The following PDE8B variants were observed in gnomAD, a reference collection of about 807,000 sequenced individuals.
The protein encoded by PDE8B is phosphodiesterase 8B.
In PDE8B, 26 loss-of-function variants were observed where a neutral mutation model predicts 101.3. The ratio of observed to expected loss-of-function variants is 0.26; its 90% CI spans 0.19 to 0.36. The LOEUF is 0.36. PDE8B is among the 10% of genes least tolerant of loss of function. PDE8B has a pLI of 1.00. For synonymous variants in PDE8B, 424 were observed against 429.3 expected, an observed-to-expected ratio of 0.99 and a Z score of 0.15; for missense variants, 810 against 1,163.1, an observed-to-expected ratio of 0.70 and a Z score of 4.42.
chr5:77,288,751 T>G (rs893229465), intron 1 of PDE8B, among the ~76,000 whole-genome samples: 1 of 152,078 alleles, frequency 6.6e-6, no homozygotes, highest in African/African-American at 2.4e-5. Context: ...GATTTGTCCA[T>G]GACCACACAG....
At chr5:77,321,152 T>C (rs1047274393) in intron 2 of PDE8B, among the ~76,000 whole-genome samples, 64 of 146,046 alleles carry the variant, frequency 4.4e-4, no homozygotes, top group South Asian at 6.8e-4. Context: ...ATTTTTTTTT[T>C]TTTTTTTTTT....
intron 10 of PDE8B, among the ~76,000 whole-genome samples, chr5:77,372,933 C>A (rs902090264): frequency 1.3e-5 from 2 of 151,890 alleles, no homozygotes; most frequent in African/African-American, 4.8e-5. Context: ...GAGGCTGAGG[C>A]AGGAGAATCA....
At chr5:77,351,227 G>A (rs926114087) in intron 9 of PDE8B, 74 bp downstream of exon 9, 7 of 1,034,400 alleles carry the variant, frequency 6.8e-6, no homozygotes, top group Non-Finnish European at 4.5e-6. Context: ...GGCTTGAAAT[G>A]CCAGTATGAG....
intron 1 of PDE8B, chr5:77,291,021 A>C: frequency 6.2e-7 from 1 of 1,612,114 alleles, no homozygotes; most frequent in Non-Finnish European, 8.5e-7. Context: ...TCAGGTGGGA[A>C]AACAGATGGC....
chr5:77,343,315 CAT>C (rs1386151768), intron 6 of PDE8B, among the ~76,000 whole-genome samples: 1 of 152,188 alleles, frequency 6.6e-6, no homozygotes, highest in Non-Finnish European at 1.5e-5. Flanking sequence ...GTGCAAACAT[CAT>C]AGAGTGTACT....
chr5:77,330,471 C>G (rs188309302), intron 4 of PDE8B, among the ~76,000 whole-genome samples: 67 of 152,218 alleles, frequency 4.4e-4, no homozygotes, highest in African/African-American at 1.5e-3. Context: ...AGAAATAAAA[C>G]ATTATTAATA....
chr5:77,421,971 G>C lies in PDE8B; in HGVS notation c.2401G>C (p.Glu801Gln), dbSNP rs1361554726. ...LCIEWAGRIS[E>Q]EYFAQTDEEK... ...CATTGAATGGGCTGGGAGGATCTCT[G>C]AGGAGTATTTTGCACAGGTGCGCCA... The change falls in exon 20 of 22, where the codon GAG becomes CAG. Residue 801 changes from glutamate (E) to glutamine (Q), a missense_variant. This residue lies in a region of PDE8B where 325 missense variants were observed against 560.9 expected (regional missense o/e 0.58). Coordinates refer to ENST00000264917, the MANE Select transcript of PDE8B (RefSeq NM_003719.5). 6.2e-7 allele frequency: 1 copy of C among 1,614,056 alleles called. No individual in the cohort carries two copies. Among genetic ancestry groups the C allele is most frequent in the Non-Finnish European group, 8.5e-7 (1 of 1,180,036 alleles).
intron 4 of PDE8B, among the ~76,000 whole-genome samples, chr5:77,331,016 G>A (rs1777015120): frequency 6.6e-6 from 1 of 152,206 alleles, no homozygotes; most frequent in East Asian, 1.9e-4. Context: ...CTCGGTTTTG[G>A]TGTGGGAGTC....
chr5:77,332,837 CAAAAAA>C (rs35330679), intron 5 of PDE8B, among the ~76,000 whole-genome samples: 1 of 108,974 alleles, frequency 9.2e-6, no homozygotes, highest in African/African-American at 3.2e-5. Flanking sequence ...AACTCCGTCT[CAAAAAA>C]AAAAAAAAAA....
the PDE8B span, among the ~76,000 whole-genome samples, chr5:77,182,033 G>T: frequency 7.1e-6 from 1 of 140,224 alleles, no homozygotes; most frequent in African/African-American, 2.8e-5. Flanking sequence ...ATCAGCAGTG[G>T]CAAGAGCATG....
chr5:77,259,716 A>T (rs779414872), intron 1 of PDE8B, among the ~76,000 whole-genome samples: 1 of 152,220 alleles, frequency 6.6e-6, no homozygotes, highest in Non-Finnish European at 1.5e-5. Context: ...TCTTAAAGAC[A>T]CTGAAGATGG....
At chr5:77,411,089 A>G (rs1794482182) in intron 14 of PDE8B, 2 of 155,366 alleles carry the variant, frequency 1.3e-5, no homozygotes, top group Middle Eastern at 3.4e-3. Context: ...TTAACGCTGC[A>G]TCTCCAAGGA....
At chr5:77,375,727 G>C (rs114774047) in intron 10 of PDE8B, among the ~76,000 whole-genome samples, 1 of 152,084 alleles carries the variant, frequency 6.6e-6, no homozygotes, top group African/African-American at 2.4e-5. Flanking sequence ...GGCGCTCAGC[G>C]TGGGCTTGGG....
chr5:77,366,230 G>A (rs919949739), intron 10 of PDE8B, among the ~76,000 whole-genome samples: 1 of 151,790 alleles, frequency 6.6e-6, no homozygotes, highest in Non-Finnish European at 1.5e-5. Context: ...TGAGAACTTT[G>A]GTTTTTTTTA....
chr5:77,277,104 G>C (rs1324405893), intron 1 of PDE8B, among the ~76,000 whole-genome samples: 4 of 152,162 alleles, frequency 2.6e-5, no homozygotes, highest in East Asian at 1.9e-4. Context: ...AAGTTGTTCA[G>C]ATATAACCTT....
At chr5:77,424,542 T>C (rs982543917) in intron 20 of PDE8B, among the ~76,000 whole-genome samples, 7 of 152,196 alleles carry the variant, frequency 4.6e-5, no homozygotes, top group African/African-American at 1.4e-4. Context: ...ATACCCAAGT[T>C]TGAACAATCA....
At chr5:77,214,181 G>A (rs1468027980) in intron 1 of PDE8B, among the ~76,000 whole-genome samples, 1 of 152,140 alleles carries the variant, frequency 6.6e-6, no homozygotes, top group Non-Finnish European at 1.5e-5. Context: ...CCTCTCTCTG[G>A]GAAGAACCAG....
At chr5:77,089,240 C>T in the PDE8B span, 3 of 152,238 alleles carry the variant, frequency 2.0e-5, no homozygotes, top group Non-Finnish European at 4.4e-5. Context: ...ATTAGATTCT[C>T]ATAGGAGCAC....
At chr5:77,294,110 C>A (rs1026508337) in intron 1 of PDE8B, among the ~76,000 whole-genome samples, 1 of 151,824 alleles carries the variant, frequency 6.6e-6, no homozygotes, top group African/African-American at 2.4e-5. Flanking sequence ...AATTTTAAGC[C>A]CCTTATATCA....
Sources: allele counts gnomAD v4.1 joint callset (sites outside exome capture counted in the v4.1 genomes callset), GRCh38; gene constraint gnomAD v4.1.1; regional missense constraint gnomAD v4.1.1; transcripts MANE v1.5; gene names NCBI Gene and HGNC (gene_info 2026-07-23, HGNC 2026-07-21).